Variants in PTGR2 observed in about 807,000 individuals in gnomAD.
PTGR2 encodes 15-oxoprostaglandin 13-reductase.
A neutral mutation model predicts 43.4 loss-of-function variants in PTGR2; 32 were observed. That is an observed-to-expected ratio of 0.74 (90% CI 0.56 to 0.99). The LOEUF (loss-of-function observed/expected upper bound fraction) is 0.99, where lower values mean the gene tolerates loss of function less well. PTGR2 is among the 50% of genes least tolerant of loss of function. The pLI is 0.00. For missense variants in PTGR2, 373 were observed against 420.0 expected, an observed-to-expected ratio of 0.89 and a Z score of 0.98; for synonymous variants, 106 against 139.2, an observed-to-expected ratio of 0.76 and a Z score of 1.68.
intron 7 of PTGR2, among the ~76,000 whole-genome samples, chr14:73,880,827 C>T (rs2054969370): frequency 6.6e-6 from 1 of 152,080 alleles, no homozygotes; most frequent in Non-Finnish European, 1.5e-5. Flanking sequence ...GATGGAGTCT[C>T]GCTCAGCCGC....
chr14:73,864,707 G>A (rs1477192786), intron 3 of PTGR2, among the ~76,000 whole-genome samples: 2 of 152,162 alleles, frequency 1.3e-5, no homozygotes, highest in Non-Finnish European at 2.9e-5. Flanking sequence ...CTTGCTGGAT[G>A]TATGATCTAT....
chr14:73,852,451 C>T (rs2054251412), intron 1 of PTGR2, among the ~76,000 whole-genome samples: 2 of 152,074 alleles, frequency 1.3e-5, no homozygotes, highest in Non-Finnish European at 2.9e-5. Flanking sequence ...CGAGATTTCA[C>T]CGTGTTAGCC....
At chr14:73,864,099 G>A in intron 3 of PTGR2, among the ~76,000 whole-genome samples, 1 of 152,214 alleles carries the variant, frequency 6.6e-6, no homozygotes, top group South Asian at 2.1e-4. Context: ...CATTTAGTAT[G>A]TGTTTACAAG....
intron 3 of PTGR2, among the ~76,000 whole-genome samples, chr14:73,868,680 G>C (rs533055391): frequency 6.6e-6 from 1 of 151,688 alleles, no homozygotes; most frequent in South Asian, 2.1e-4. Context: ...AACCACCCCT[G>C]TATATCAGAG....
intron 3 of PTGR2, chr14:73,861,743 A>AG (rs1305463692): frequency 1.3e-5 from 2 of 152,178 alleles, no homozygotes; most frequent in East Asian, 3.8e-4. Flanking sequence ...TGCAAAAAAA[A>AG]AAGTCTCAGT....
intron 3 of PTGR2, among the ~76,000 whole-genome samples, chr14:73,870,193 CTTTT>C (rs34746463): frequency 7.8e-6 from 1 of 127,598 alleles, no homozygotes. Flanking sequence ...CTTAAGCAAC[CTTTT>C]TTTTTTTTTT....
intron 3 of PTGR2, among the ~76,000 whole-genome samples, chr14:73,862,780 T>A (rs1033929703): frequency 2.0e-5 from 3 of 152,166 alleles, no homozygotes; most frequent in African/African-American, 7.2e-5. Context: ...TGAATACAGC[T>A]CACTGCAGCC....
At chr14:73,853,207 T>C (rs2054270713) in intron 1 of PTGR2, among the ~76,000 whole-genome samples, 1 of 152,148 alleles carries the variant, frequency 6.6e-6, no homozygotes, top group African/African-American at 2.4e-5. Flanking sequence ...TAAAAGGTAT[T>C]AGGAAGCTCA....
chr14:73,878,674 A>G (rs2054916964), intron 5 of PTGR2: 2 of 413,768 alleles, frequency 4.8e-6, no homozygotes, highest in Non-Finnish European at 9.7e-6. Flanking sequence ...GACAATGACC[A>G]TAAGGGTAAA....
chr14:73,874,270 G>A (rs745584716), intron 4 of PTGR2, 56 bp downstream of exon 4: 1 of 1,303,264 alleles, frequency 7.7e-7, no homozygotes, highest in Admixed American at 2.2e-5. Flanking sequence ...CTTACTTTGT[G>A]CATTTGATAT....
intron 1 of PTGR2, among the ~76,000 whole-genome samples, chr14:73,856,698 A>T (rs941114198): frequency 6.6e-5 from 10 of 152,268 alleles, no homozygotes; most frequent in South Asian, 4.1e-4. Context: ...AAGCTAAACC[A>T]TATCACCTAG....
chr14:73,872,983 A>G (rs1040079008), intron 3 of PTGR2, among the ~76,000 whole-genome samples: 4 of 150,734 alleles, frequency 2.7e-5, no homozygotes, highest in Non-Finnish European at 5.9e-5. Flanking sequence ...AAAAAAAAAA[A>G]AAATTTTTTT....
Position 73,884,086 on chromosome 14 carries a change from T to C in PTGR2, c.980-15T>C. On this transcript the variant is annotated splice_polypyrimidine_tract_variant and intron_variant, in intron 9 of 9. Coordinates refer to ENST00000555661, the MANE Select transcript of PTGR2 (RefSeq NM_001146154.2). ...ACATTTATCTTTTCAGATAACCTAC[T>C]TTCTCTTTTTCCAGCTGCATTCCAG... 6.4e-7 allele frequency: 1 copy of C among 1,559,270 alleles called. No homozygotes were observed. Among genetic ancestry groups the C allele is most frequent in the Non-Finnish European group, 8.8e-7 (1 of 1,137,572 alleles).
intron 3 of PTGR2, among the ~76,000 whole-genome samples, chr14:73,867,216 G>A (rs982394539): frequency 2.0e-5 from 3 of 151,812 alleles, no homozygotes; most frequent in Non-Finnish European, 4.4e-5. Flanking sequence ...CAGGCCTTCA[G>A]ATCTGGACTA....
chr14:73,879,361 T>G, intron 6 of PTGR2, 56 bp downstream of exon 6: 1 of 1,487,370 alleles, frequency 6.7e-7, no homozygotes, highest in South Asian at 1.2e-5. Context: ...TGTTGTGATA[T>G]CTTTTTACCT....
Position 73,874,055 on chromosome 14 carries a change from T to C in PTGR2, c.189T>C (p.Asp63=). 6.2e-7 allele frequency: 1 copy of C among 1,611,830 alleles called. No homozygotes were observed. Among genetic ancestry groups the C allele is most frequent in the Admixed American group, 1.7e-5 (1 of 59,458 alleles). ...GAATGAATGAAGACACTGGCACTGA[T>C]TATATAACACCTTGGCAGCTATCTC... ...RCRMNEDTGT[D]YITPWQLSQV... The change falls in exon 4 of 10, where the codon GAT becomes GAC. Residue 63 remains aspartate, a synonymous_variant. Transcript: ENST00000555661.
chr14:73,852,919 G>A (rs1264268330), intron 1 of PTGR2, among the ~76,000 whole-genome samples: 1 of 152,128 alleles, frequency 6.6e-6, no homozygotes, highest in African/African-American at 2.4e-5. Context: ...TCAGTCTCCT[G>A]GGTTCAGGCA....
Position 73,870,440 on chromosome 14 carries a change from A to G in PTGR2, c.157-3583A>G, listed in dbSNP as rs559164987. ...GGTGATCTGCCCGCCTTGGCCTCCC[A>G]GAGTGCTGGGATTACAGACATGAGC... On this transcript the variant is annotated intron_variant, in intron 3 of 9. Transcript: ENST00000555661. 9.9e-5 allele frequency among the ~76,000 whole-genome samples: 15 copies of G among 152,262 alleles called. No homozygotes were observed. In the South Asian group the frequency reaches 3.1e-3, roughly 32 times the overall value.
At chr14:73,855,094 G>A (rs1013451582) in intron 1 of PTGR2, among the ~76,000 whole-genome samples, 4 of 152,216 alleles carry the variant, frequency 2.6e-5, no homozygotes, top group Non-Finnish European at 4.4e-5. Context: ...TCAAACTGTA[G>A]TATGTGGACC....
Sources: gnomAD v4.1 joint callset for allele counts (sites outside exome capture counted in the v4.1 genomes callset) on GRCh38, gnomAD v4.1.1 for gene constraint, MANE v1.5 for transcripts, NCBI Gene and HGNC (gene_info 2026-07-23, HGNC 2026-07-21) for gene names.